The following ARMC2 variants were observed in gnomAD, a reference collection of about 807,000 sequenced individuals.
ARMC2 encodes armadillo repeat containing 2.
Under a neutral mutation model 90.3 loss-of-function variants are expected in ARMC2, and 67 were observed. That is an observed-to-expected ratio of 0.74 (90% CI 0.61 to 0.91). The LOEUF is 0.91. ARMC2 is among the 40% of genes least tolerant of loss of function. ARMC2 has a pLI of 0.00. For synonymous variants in ARMC2, 393 were observed against 393.0 expected, an observed-to-expected ratio of 1.00 and a Z score of 0.00; for missense variants, 920 against 1,030.9, an observed-to-expected ratio of 0.89 and a Z score of 1.47.
the ARMC2 span, among the ~76,000 whole-genome samples, chr6:109,041,356 T>C: frequency 9.2e-5 from 14 of 152,002 alleles, no homozygotes; most frequent in Non-Finnish European, 1.9e-4. Flanking sequence ...AACATAAAAA[T>C]AGCAGATGAC....
chr6:108,965,689 G>T (rs963330158), intron 17 of ARMC2, among the ~76,000 whole-genome samples: 1 of 152,108 alleles, frequency 6.6e-6, no homozygotes, highest in Admixed American at 6.5e-5. Context: ...CTGTCATCCA[G>T]GATGGAATAC....
intron 12 of ARMC2, among the ~76,000 whole-genome samples, chr6:108,951,264 T>A (rs1352538330): frequency 6.6e-6 from 1 of 152,180 alleles, no homozygotes; most frequent in Admixed American, 6.5e-5. Context: ...GTCTTCTCAG[T>A]AGGTGAGAAG....
chr6:109,019,140 T>C, the ARMC2 span, among the ~76,000 whole-genome samples: 1 of 152,196 alleles, frequency 6.6e-6, no homozygotes, highest in African/African-American at 2.4e-5. Flanking sequence ...AGAATTCTAG[T>C]AATATTGTTT....
chr6:108,906,026 A>C (rs1183672293), intron 8 of ARMC2, among the ~76,000 whole-genome samples: 2 of 152,208 alleles, frequency 1.3e-5, no homozygotes, highest in East Asian at 3.8e-4. Flanking sequence ...GAAGAAGAAA[A>C]AATCAGCAAA....
the ARMC2 span, among the ~76,000 whole-genome samples, chr6:108,979,498 T>C: frequency 2.0e-5 from 3 of 152,136 alleles, no homozygotes; most frequent in African/African-American, 7.2e-5. Flanking sequence ...AGGAGTATCT[T>C]TGTGGTGCTC....
intron 10 of ARMC2, among the ~76,000 whole-genome samples, chr6:108,918,164 G>A (rs913136860): frequency 1.3e-5 from 2 of 152,148 alleles, no homozygotes; most frequent in Non-Finnish European, 2.9e-5. Flanking sequence ...TAGAGAAAGA[G>A]CAGAGGGACT....
At chr6:109,028,987 TAGTCTA>T in the ARMC2 span, among the ~76,000 whole-genome samples, 1 of 152,230 alleles carries the variant, frequency 6.6e-6, no homozygotes, top group Non-Finnish European at 1.5e-5. Context: ...CATAGAGATT[TAGTCTA>T]AATTGTTCAC....
chr6:108,978,440 G>A (rs1779026466), downstream of ARMC2, among the ~76,000 whole-genome samples: 1 of 152,172 alleles, frequency 6.6e-6, no homozygotes, highest in African/African-American at 2.4e-5. Flanking sequence ...TAGCATAAGT[G>A]CAATGTGGTG....
chr6:108,962,124 A>G lies in ARMC2; in HGVS notation c.2149A>G (p.Asn717Asp). 2 of 1,600,166 alleles carry G rather than the reference A, an allele frequency of 1.2e-6. No homozygotes were observed. The highest frequency in any genetic ancestry group is 8.5e-7 in the Non-Finnish European group (1 of 1,169,880). ...TGTCTGCGATTTCATTGTGCAGAAC[A>G]ATGGTGAGTTAATAACACTAGAATT... ...HDVCDFIVQNNVHRFMMALLD... is the reference protein window; with the variant it reads ...HDVCDFIVQNDVHRFMMALLD... The change falls in exon 15 of 18, where the codon AAT becomes GAT. Residue 717 changes from asparagine (N) to aspartate (D), a missense_variant. By Grantham distance (23) the Asn-to-Asp change is conservative. Coordinates refer to ENST00000392644, the MANE Select transcript of ARMC2 (RefSeq NM_032131.6).
intron 5 of ARMC2, among the ~76,000 whole-genome samples, chr6:108,892,838 G>A (rs1247389624): frequency 4.6e-5 from 7 of 152,022 alleles, no homozygotes; most frequent in South Asian, 2.1e-4. Flanking sequence ...TCTTCAGGGC[G>A]GTAGGAAAGG....
the ARMC2 span, chr6:108,988,224 T>G: frequency 5.1e-6 from 1 of 195,856 alleles, no homozygotes; most frequent in Non-Finnish European, 1.0e-5. Context: ...CATTATTCAG[T>G]AATTTCTATA....
chr6:108,880,796 C>CTT (rs1761730970), intron 5 of ARMC2, among the ~76,000 whole-genome samples: 1 of 148,666 alleles, frequency 6.7e-6, no homozygotes, highest in Non-Finnish European at 1.5e-5. Flanking sequence ...TCCTTCCTCT[C>CTT]TCTTTCTTTC....
the ARMC2 span, among the ~76,000 whole-genome samples, chr6:109,042,583 G>C: frequency 6.7e-6 from 1 of 150,132 alleles, no homozygotes; most frequent in Non-Finnish European, 1.5e-5. Flanking sequence ...GGAATACTGT[G>C]AACATTCTAT....
the ARMC2 span, chr6:108,990,614 A>T: frequency 1.2e-6 from 2 of 1,606,404 alleles, no homozygotes; most frequent in South Asian, 1.1e-5. Context: ...AGAGGAAAAC[A>T]TCTCTTTATA....
At chr6:108,873,321 T>G (rs1043740579) in intron 4 of ARMC2, among the ~76,000 whole-genome samples, 12 of 152,164 alleles carry the variant, frequency 7.9e-5, no homozygotes, top group African/African-American at 2.9e-4. Context: ...TTGGTGGGGT[T>G]TGTAGTTTGC....
intron 6 of ARMC2, among the ~76,000 whole-genome samples, chr6:108,895,431 T>A (rs991016646): frequency 1.4e-5 from 2 of 143,486 alleles, no homozygotes; most frequent in Non-Finnish European, 3.0e-5. Flanking sequence ...TTGCAGTGAG[T>A]CTAGACCACG....
At chr6:108,915,824 G>T (rs1002554687) in intron 10 of ARMC2, among the ~76,000 whole-genome samples, 2 of 152,080 alleles carry the variant, frequency 1.3e-5, no homozygotes, top group South Asian at 4.2e-4. Flanking sequence ...GTGCATGGGG[G>T]GACGAGATGA....
chr6:108,953,205 A>C lies in ARMC2; in HGVS notation c.1769A>C (p.Gln590Pro), dbSNP rs1777319739. 2 of 1,614,050 alleles carry C rather than the reference A, an allele frequency of 1.2e-6. No individual in the cohort carries two copies. Among genetic ancestry groups the C allele is most frequent in the East Asian group, 4.5e-5 (2 of 44,890 alleles). Residue 590 changes from glutamine to proline, a missense_variant, in exon 13 of 18, where the codon CAG (glutamine) becomes CCG (proline). Gln to Pro is a moderately conservative substitution (Grantham distance 76). Transcript: ENST00000392644. The stretch of plus-strand genomic sequence containing the variant: ...AAGCCGGTGGGCCAACGAGGCGAGC[A>C]GCACAGGGCGCAGAGGCCGCCGTCA... ...SQKPVGQRGE[Q>P]HRAQRPPSEA... is the part of the protein sequence containing the mutation.
intron 8 of ARMC2, chr6:108,907,778 C>G (rs1772937569): frequency 5.0e-6 from 8 of 1,611,040 alleles, no homozygotes; most frequent in Non-Finnish European, 5.9e-6. Context: ...GAAAATGCCA[C>G]TAGGGCTGAA....
Sources: gnomAD v4.1 joint callset for allele counts (sites outside exome capture counted in the v4.1 genomes callset) on GRCh38, gnomAD v4.1.1 for gene constraint, MANE v1.5 for transcripts, NCBI Gene and HGNC (gene_info 2026-07-23, HGNC 2026-07-21) for gene names.